MEGF11: variants seen among roughly 807,000 people sequenced by gnomAD.
MEGF11 encodes the protein multiple epidermal growth factor-like domains protein 11.
MEGF11 carries 126 observed loss-of-function variants against 146.6 expected under a neutral mutation model. That is an observed-to-expected ratio of 0.86 (90% CI 0.74 to 1.00). The LOEUF (loss-of-function observed/expected upper bound fraction) is 1.00, where lower values mean the gene tolerates loss of function less well. MEGF11 is among the 50% of genes least tolerant of loss of function. The pLI, the probability that MEGF11 is intolerant of heterozygous loss-of-function variation, is 0.00. For synonymous variants in MEGF11, 532 were observed against 583.4 expected, an observed-to-expected ratio of 0.91 and a Z score of 1.27; for missense variants, 1,509 against 1,521.2, an observed-to-expected ratio of 0.99 and a Z score of 0.13.
In MEGF11 at chr15:66,169,417, G is replaced by A. The variant is rs530558829; in HGVS notation, c.-8-41006C>T. ...AGCAGAGCCAAATGTGCAGGGAAGGGATGGTCCTGACACTCAGTGAGGGAG... is the reference window on the plus strand; with the variant it reads ...AGCAGAGCCAAATGTGCAGGGAAGGAATGGTCCTGACACTCAGTGAGGGAG... On this transcript the variant is annotated intron_variant, in intron 1 of 25. Transcript: ENST00000395614. 5.3e-5 allele frequency among the ~76,000 whole-genome samples: 8 copies of A among 152,358 alleles called. 1 individual carries two copies. The South Asian group carries it at 1.7e-3, about 32-fold the overall frequency.
At chr15:65,923,149 G>A (rs1242092690) in intron 13 of MEGF11, among the ~76,000 whole-genome samples, 180 bp from the exon 14 acceptor site, 2 of 152,210 alleles carry the variant, frequency 1.3e-5, no homozygotes, top group African/African-American at 4.8e-5. Flanking sequence ...AAGAAGTGAT[G>A]TCCAGAGTTC....
chr15:65,926,155 C>G (rs1229500954), intron 13 of MEGF11, among the ~76,000 whole-genome samples: 1 of 152,226 alleles, frequency 6.6e-6, no homozygotes, highest in Non-Finnish European at 1.5e-5. Context: ...CACAAGGTAG[C>G]TGCCAATATA....
At chr15:66,173,259 C>G (rs904669721) in intron 1 of MEGF11, among the ~76,000 whole-genome samples, 3 of 152,172 alleles carry the variant, frequency 2.0e-5, no homozygotes, top group Non-Finnish European at 4.4e-5. Flanking sequence ...GTCCAAGTTT[C>G]CACCCAAAGC....
intron 1 of MEGF11, among the ~76,000 whole-genome samples, chr15:66,237,030 G>A (rs1439453872): frequency 6.6e-6 from 1 of 152,102 alleles, no homozygotes; most frequent in Non-Finnish European, 1.5e-5. Flanking sequence ...GCACCATCCA[G>A]GCACCCCGGG....
chr15:66,191,440 G>C (rs2090874971), intron 1 of MEGF11, among the ~76,000 whole-genome samples: 2 of 152,220 alleles, frequency 1.3e-5, no homozygotes. Flanking sequence ...GATGCCTCTG[G>C]GGGAAGAAAA....
At chr15:65,947,959 A>G (rs926941116) in intron 10 of MEGF11, among the ~76,000 whole-genome samples, 2 of 152,220 alleles carry the variant, frequency 1.3e-5, no homozygotes, top group African/African-American at 2.4e-5. Flanking sequence ...TTTTTAGAGT[A>G]GAAGAGTCAG....
At chr15:66,037,770 A>C (rs28551784) in intron 5 of MEGF11, among the ~76,000 whole-genome samples, 41,717 of 152,070 alleles carry the variant, frequency 0.27, 7,188 homozygotes, top group East Asian at 0.63. Context: ...CTTCCTCCTC[A>C]GATTAGAGGC....
chr15:66,176,226 A>C (rs960209682), intron 1 of MEGF11, among the ~76,000 whole-genome samples: 7 of 152,266 alleles, frequency 4.6e-5, no homozygotes, highest in African/African-American at 9.6e-5. Context: ...AAATGATGAC[A>C]GCCATTACGG....
chr15:66,001,850 C>G (rs974559521), intron 5 of MEGF11, among the ~76,000 whole-genome samples: 2 of 152,060 alleles, frequency 1.3e-5, no homozygotes, highest in African/African-American at 4.8e-5. Context: ...ATTTCACTTT[C>G]AAAGGAAGCC....
At chr15:66,214,783 C>T (rs988043786) in intron 1 of MEGF11, among the ~76,000 whole-genome samples, 12 of 152,114 alleles carry the variant, frequency 7.9e-5, no homozygotes, top group African/African-American at 1.9e-4. Flanking sequence ...ACCCTTGCCA[C>T]GCACAGGGTA....
chr15:66,056,024 CCAG>C (rs1177341487), intron 5 of MEGF11, among the ~76,000 whole-genome samples: 1 of 152,086 alleles, frequency 6.6e-6, no homozygotes, highest in East Asian at 1.9e-4. Context: ...TGGTCCTAAA[CCAG>C]CAGCAGCAGC....
chr15:65,940,502 CAG>C (rs2079951060), intron 10 of MEGF11, among the ~76,000 whole-genome samples: 1 of 152,228 alleles, frequency 6.6e-6, no homozygotes, highest in African/African-American at 2.4e-5. Context: ...ACAAGGCAAA[CAG>C]AATAGCTTGT....
intron 16 of MEGF11, 54 bp from the exon 17 acceptor site, chr15:65,917,010 G>A: frequency 7.0e-7 from 1 of 1,436,498 alleles, no homozygotes; most frequent in Non-Finnish European, 9.2e-7. Flanking sequence ...GGGGCAGACG[G>A]AGAGGGAGAA....
intron 1 of MEGF11, among the ~76,000 whole-genome samples, chr15:66,168,513 A>G (rs2090160092): frequency 6.6e-6 from 1 of 152,222 alleles, no homozygotes; most frequent in South Asian, 2.1e-4. Context: ...CTGAGCACTT[A>G]CAGCTCAGTG....
chr15:65,928,075 G>A (rs2079436652), intron 13 of MEGF11, among the ~76,000 whole-genome samples: 1 of 152,182 alleles, frequency 6.6e-6, no homozygotes, highest in Non-Finnish European at 1.5e-5. Flanking sequence ...GAGGCAGGCT[G>A]ACAGGATAGA....
intron 1 of MEGF11, among the ~76,000 whole-genome samples, chr15:66,181,756 G>C (rs552110471): frequency 9.2e-5 from 14 of 152,298 alleles, no homozygotes; most frequent in African/African-American, 3.4e-4. Flanking sequence ...TTTTTATTTA[G>C]TGCCAATGCT....
chr15:66,170,617 G>A (rs1196498515), intron 1 of MEGF11, among the ~76,000 whole-genome samples: 2 of 152,154 alleles, frequency 1.3e-5, no homozygotes, highest in African/African-American at 4.8e-5. Context: ...TTTTTGAAAG[G>A]AACCAGTAGT....
intron 1 of MEGF11, among the ~76,000 whole-genome samples, chr15:66,134,889 G>A (rs770066882): frequency 1.3e-5 from 2 of 152,250 alleles, no homozygotes; most frequent in Non-Finnish European, 2.9e-5. Context: ...AGGGGAAACT[G>A]TTCCCTGAAA....
chr15:65,962,532 C>A (rs1266383000), intron 9 of MEGF11, among the ~76,000 whole-genome samples: 1 of 152,162 alleles, frequency 6.6e-6, no homozygotes, highest in African/African-American at 2.4e-5. Context: ...GGTTGAGAAA[C>A]CCTAACTTCA....
Sources: gnomAD v4.1 joint callset for allele counts (sites outside exome capture counted in the v4.1 genomes callset) on GRCh38, gnomAD v4.1.1 for gene constraint, MANE v1.5 for transcripts, NCBI Gene and HGNC (gene_info 2026-07-23, HGNC 2026-07-21) for gene names.